The following CPQ variants were observed in gnomAD, a reference collection of about 807,000 sequenced individuals.
CPQ encodes carboxypeptidase Q.
CPQ carries 37 observed loss-of-function variants against 45.7 expected under a neutral mutation model. The observed-to-expected ratio is 0.81, with a 90% CI of 0.62 to 1.07. The LOEUF (loss-of-function observed/expected upper bound fraction) is 1.07, where lower values mean the gene tolerates loss of function less well. Ranked by LOEUF, CPQ falls within the 50% of genes least tolerant of loss-of-function variation. CPQ has a pLI of 0.00. For missense variants in CPQ, 537 were observed against 572.9 expected (o/e 0.94, Z 0.64); for synonymous variants, 186 against 205.8 (o/e 0.90, Z 0.82).
At chr8:96,783,005 A>T (rs935122132) in intron 1 of CPQ, among the ~76,000 whole-genome samples, 6 of 152,178 alleles carry the variant, frequency 3.9e-5, no homozygotes, top group African/African-American at 1.4e-4. Flanking sequence ...CATTCTGGTC[A>T]TGAATCTCTA....
At chr8:97,010,851 T>C (rs1239772973) in intron 5 of CPQ, among the ~76,000 whole-genome samples, 1 of 152,142 alleles carries the variant, frequency 6.6e-6, no homozygotes, top group Non-Finnish European at 1.5e-5. Flanking sequence ...CAGGGTTTAT[T>C]TCTGACAACA....
At chr8:96,769,098 T>C (rs1438913001) in intron 1 of CPQ, among the ~76,000 whole-genome samples, 1 of 152,236 alleles carries the variant, frequency 6.6e-6, no homozygotes, top group Non-Finnish European at 1.5e-5. Context: ...AGGAAGCCTA[T>C]ATTCTCTCCC....
At chr8:97,020,673 G>T (rs1170442845) in intron 5 of CPQ, among the ~76,000 whole-genome samples, 24 of 152,078 alleles carry the variant, frequency 1.6e-4, no homozygotes, top group Non-Finnish European at 8.8e-5. Flanking sequence ...GCTTAGATCG[G>T]AAAGAATTAG....
intron 1 of CPQ, among the ~76,000 whole-genome samples, chr8:96,688,654 C>G (rs542631630): frequency 2.6e-4 from 40 of 152,222 alleles, no homozygotes; most frequent in African/African-American, 9.6e-4. Context: ...CCTTCTACTC[C>G]TACTGCAAAA....
At chr8:97,074,499 C>T (rs1465979663) in intron 7 of CPQ, among the ~76,000 whole-genome samples, 3 of 152,076 alleles carry the variant, frequency 2.0e-5, no homozygotes, top group Non-Finnish European at 2.9e-5. Context: ...AGGCCAGGCA[C>T]GGTGGCCCAC....
chr8:96,695,731 C>G (rs1809369489), intron 1 of CPQ, among the ~76,000 whole-genome samples: 1 of 151,376 alleles, frequency 6.6e-6, no homozygotes, highest in Non-Finnish European at 1.5e-5. Flanking sequence ...CAAATTAAAA[C>G]CACAATGAGA....
chr8:96,787,287 A>G (rs968140878), intron 2 of CPQ, among the ~76,000 whole-genome samples: 3 of 152,046 alleles, frequency 2.0e-5, no homozygotes, highest in Non-Finnish European at 4.4e-5. Context: ...GAATGTGGTC[A>G]TTCAGTTGTC....
At chr8:97,041,584 C>G (rs1030149426) in intron 6 of CPQ, among the ~76,000 whole-genome samples, 5 of 152,116 alleles carry the variant, frequency 3.3e-5, no homozygotes, top group African/African-American at 1.2e-4. Context: ...GGAATGCTTC[C>G]AGTTTTTGCC....
chr8:97,055,424 T>C (rs1311209250), intron 6 of CPQ: 1 of 152,198 alleles, frequency 6.6e-6, no homozygotes, highest in Non-Finnish European at 1.5e-5. Context: ...CCATATTCTG[T>C]AGACAACTTG....
intron 7 of CPQ, among the ~76,000 whole-genome samples, chr8:97,098,597 C>T (rs946886043): frequency 3.9e-5 from 6 of 152,060 alleles, no homozygotes; most frequent in African/African-American, 1.2e-4. Context: ...TATTAAGGTC[C>T]TCTTTAGATT....
Position 96,663,128 on chromosome 8 carries a change from G to C in CPQ, c.-35+17726G>C, listed in dbSNP as rs79808919. On this transcript the variant is annotated intron_variant, in intron 1 of 7. Transcript: ENST00000220763. ...GGGAAGGACTGATGTCTCCTCACAA[G>C]GGAAAAAGGACTCTGCATTGAAAAC... Among the ~76,000 whole-genome samples, 297 of 152,292 alleles carry C rather than the reference G, an allele frequency of 2.0e-3. 3 individuals carry two copies. Among genetic ancestry groups the C allele is most frequent in the Non-Finnish European group, 3.2e-3 (219 of 68,034 alleles).
At chr8:96,742,634 T>C (rs1336180337) in intron 1 of CPQ, among the ~76,000 whole-genome samples, 2 of 152,212 alleles carry the variant, frequency 1.3e-5, no homozygotes. Flanking sequence ...TTTCCATATT[T>C]AGCACTTCCT....
At chr8:97,125,164 T>C (rs377559555) in intron 7 of CPQ, among the ~76,000 whole-genome samples, 6 of 152,038 alleles carry the variant, frequency 3.9e-5, no homozygotes, top group South Asian at 4.1e-4. Context: ...CATAAATTCC[T>C]TAAAAGACAA....
intron 6 of CPQ, among the ~76,000 whole-genome samples, chr8:97,035,862 C>T (rs1372663037): frequency 1.3e-5 from 2 of 152,112 alleles, no homozygotes; most frequent in East Asian, 1.9e-4. Flanking sequence ...CGCCCGCCAC[C>T]ACACCCGGCT....
At chr8:96,913,251 G>A (rs1489228584) in intron 4 of CPQ, among the ~76,000 whole-genome samples, 1 of 152,192 alleles carries the variant, frequency 6.6e-6, no homozygotes, top group Non-Finnish European at 1.5e-5. Context: ...TGCTGGTGGG[G>A]CTGGCAGCAT....
At chr8:96,823,309 A>T (rs1256024472) in intron 2 of CPQ, among the ~76,000 whole-genome samples, 1 of 152,052 alleles carries the variant, frequency 6.6e-6, no homozygotes, top group South Asian at 2.1e-4. Context: ...ACTTTTGTAC[A>T]TTATTGTATC....
intron 4 of CPQ, among the ~76,000 whole-genome samples, chr8:96,891,206 C>T (rs1308651015): frequency 2.0e-5 from 3 of 152,190 alleles, no homozygotes; most frequent in Non-Finnish European, 4.4e-5. Flanking sequence ...ATAAGACATT[C>T]CATGAATCCA....
intron 2 of CPQ, among the ~76,000 whole-genome samples, chr8:96,785,946 G>A (rs1810762868): frequency 6.6e-6 from 1 of 152,172 alleles, no homozygotes; most frequent in Non-Finnish European, 1.5e-5. Flanking sequence ...GCAGAAGAAC[G>A]AGTTTCTATT....
intron 3 of CPQ, among the ~76,000 whole-genome samples, chr8:96,861,955 GA>G (rs1447984684): frequency 7.2e-5 from 11 of 152,104 alleles, no homozygotes; most frequent in African/African-American, 2.7e-4. Context: ...TTTCTTGAAG[GA>G]GATAGTATGC....
Sources: allele counts gnomAD v4.1 joint callset (sites outside exome capture counted in the v4.1 genomes callset), GRCh38; gene constraint gnomAD v4.1.1; transcripts MANE v1.5; gene names NCBI Gene and HGNC (gene_info 2026-07-23, HGNC 2026-07-21).